CAPZA1: variants seen among roughly 807,000 people sequenced by gnomAD.
CAPZA1 encodes the protein F-actin-capping protein subunit alpha-1.
In CAPZA1, 10 loss-of-function variants were observed where a neutral mutation model predicts 40.8. The observed-to-expected ratio is 0.25, with a 90% confidence interval of 0.15 to 0.42. CAPZA1 has a LOEUF of 0.42. CAPZA1 is among the 10% of genes least tolerant of loss of function. CAPZA1 has a pLI of 1.00. For missense variants in CAPZA1, 277 were observed against 353.8 expected (o/e 0.78, Z 1.74); for synonymous variants, 98 against 115.0 (o/e 0.85, Z 0.95).
At chr1:112,623,559 T>C (rs1209072538) in intron 1 of CAPZA1, among the ~76,000 whole-genome samples, 1 of 151,692 alleles carries the variant, frequency 6.6e-6, no homozygotes, top group African/African-American at 2.4e-5. Context: ...CACATGCCTG[T>C]AATCCCAGCT....
At chr1:112,653,776 T>C (rs977247853) in intron 4 of CAPZA1, 115 bp downstream of exon 4, 2 of 728,830 alleles carry the variant, frequency 2.7e-6, no homozygotes, top group African/African-American at 1.8e-5. Context: ...GTTTTTATAG[T>C]TTTTGTGTGT....
intron 6 of CAPZA1, 148 bp downstream of exon 6, chr1:112,659,249 C>T: frequency 4.8e-6 from 3 of 620,522 alleles, no homozygotes; most frequent in Non-Finnish European, 5.8e-6. Context: ...CCTTACAGTT[C>T]TAAGGTTTTA....
intron 1 of CAPZA1, among the ~76,000 whole-genome samples, chr1:112,636,138 A>T (rs1671012792): frequency 6.6e-6 from 1 of 152,230 alleles, no homozygotes; most frequent in Admixed American, 6.5e-5. Flanking sequence ...TAAATTCCTT[A>T]GGACATTTTC....
At chr1:112,660,838 CTTTTTTTTT>C (rs67876993) in intron 7 of CAPZA1, among the ~76,000 whole-genome samples, 2 of 66,012 alleles carry the variant, frequency 3.0e-5, no homozygotes, top group Non-Finnish European at 5.5e-5. Flanking sequence ...CAAGAGTTGT[CTTTTTTTTT>C]TTTTTTTTTT....
intron 1 of CAPZA1, among the ~76,000 whole-genome samples, chr1:112,642,872 A>G (rs1216512368): frequency 6.6e-6 from 1 of 152,192 alleles, no homozygotes; most frequent in African/African-American, 2.4e-5. Flanking sequence ...ACATTCAAAT[A>G]TTATGTTATA....
chr1:112,654,683 G>GA lies in CAPZA1; in HGVS notation c.426+13dup, dbSNP rs758318726. 14 of 1,552,658 alleles carry GA rather than the reference G, an allele frequency of 9.0e-6. No homozygotes were observed. Among genetic ancestry groups the GA allele is most frequent in the Non-Finnish European group, 1.2e-5 (14 of 1,140,306 alleles). ...ACGGCTTCTGTACTGTTAAGTATCT[G>GA]ACTGCTTCGTTATCAGAGAGTGTTT... On this transcript the variant is annotated intron_variant, in intron 5 of 9. Transcript: ENST00000263168.
intron 3 of CAPZA1, chr1:112,649,706 T>G (rs1462467412): frequency 1.9e-6 from 1 of 526,812 alleles, no homozygotes; most frequent in Non-Finnish European, 3.3e-6. Flanking sequence ...ATTTGCCCGA[T>G]TAAAGCAGAG....
chr1:112,663,710 G>T (rs1448223781), intron 7 of CAPZA1, among the ~76,000 whole-genome samples: 1 of 151,536 alleles, frequency 6.6e-6, no homozygotes, highest in African/African-American at 2.4e-5. Flanking sequence ...TCACCATGTT[G>T]GTCAGGCTGG....
intron 1 of CAPZA1, among the ~76,000 whole-genome samples, chr1:112,630,947 A>G (rs1342799145): frequency 6.6e-6 from 1 of 152,180 alleles, no homozygotes; most frequent in Non-Finnish European, 1.5e-5. Flanking sequence ...ACTTTATATT[A>G]GCTTAAGGTA....
intron 1 of CAPZA1, among the ~76,000 whole-genome samples, chr1:112,625,352 C>T (rs1670785321): frequency 1.3e-5 from 2 of 152,132 alleles, no homozygotes; most frequent in South Asian, 4.1e-4. Context: ...ATTTCCTTCA[C>T]CAGCTAGAAG....
intron 3 of CAPZA1, 49 bp downstream of exon 3, chr1:112,649,518 A>T: frequency 7.1e-7 from 1 of 1,406,454 alleles, no homozygotes; most frequent in Non-Finnish European, 1.0e-6. Flanking sequence ...ACATTGGATA[A>T]ACTATGTTGA....
intron 4 of CAPZA1, 67 bp from the exon 5 acceptor site, chr1:112,654,398 G>A (rs1051806751): frequency 7.9e-6 from 8 of 1,012,710 alleles, no homozygotes; most frequent in African/African-American, 4.8e-5. Flanking sequence ...TTATTGATGT[G>A]TTTCATAAAA....
At chr1:112,629,146 C>T (rs890461004) in intron 1 of CAPZA1, among the ~76,000 whole-genome samples, 9 of 152,180 alleles carry the variant, frequency 5.9e-5, no homozygotes, top group African/African-American at 2.2e-4. Context: ...TACCTCTTTG[C>T]CATTTATCTC....
At chr1:112,625,597 G>A (rs749012890) in intron 1 of CAPZA1, among the ~76,000 whole-genome samples, 2 of 152,214 alleles carry the variant, frequency 1.3e-5, no homozygotes, top group Non-Finnish European at 2.9e-5. Context: ...AAGTCATACT[G>A]GAAGGGATAA....
In CAPZA1 at chr1:112,670,213, C is replaced by T; in HGVS notation, c.*81C>T. The T allele has an allele frequency of 6.6e-7, 1 of 1,521,580 alleles. No homozygotes were observed. Among genetic ancestry groups the T allele is most frequent in the Non-Finnish European group, 9.0e-7 (1 of 1,106,804 alleles). 94.3% of individuals were successfully genotyped at this position (1,521,580 alleles called of 1,614,324 possible). The stretch of plus-strand genomic sequence containing the variant: ...ATATGATAAATAAGTGATTTATAAA[C>T]AAGAGTGATATTTTGCTAGGGCTTT... On this transcript the variant is annotated 3_prime_UTR_variant, in exon 10 of 10. Coordinates refer to ENST00000263168, the MANE Select transcript of CAPZA1 (RefSeq NM_006135.3).
At chr1:112,648,352 T>TC (rs1671321157) in intron 2 of CAPZA1, among the ~76,000 whole-genome samples, 2 of 136,438 alleles carry the variant, frequency 1.5e-5, no homozygotes, top group African/African-American at 6.6e-5. Context: ...TTTTTCTTTT[T>TC]TTTTTTTTTT....
chr1:112,629,130 G>C (rs1255563916), intron 1 of CAPZA1, among the ~76,000 whole-genome samples: 2 of 152,062 alleles, frequency 1.3e-5, no homozygotes, highest in African/African-American at 4.8e-5. Context: ...CTATGTTCTG[G>C]GATGTTACCT....
At chr1:112,624,539 C>T (rs561905250) in intron 1 of CAPZA1, among the ~76,000 whole-genome samples, 37 of 125,530 alleles carry the variant, frequency 2.9e-4, no homozygotes, top group Middle Eastern at 6.3e-3. Context: ...ACCCAGGAGG[C>T]GGAGGTTGCA....
chr1:112,665,631 G>T (rs1043588065), intron 7 of CAPZA1, among the ~76,000 whole-genome samples: 2 of 152,082 alleles, frequency 1.3e-5, no homozygotes, highest in Non-Finnish European at 2.9e-5. Flanking sequence ...TTTCTCATAG[G>T]TGACACCTTC....
Sources: allele counts gnomAD v4.1 joint callset (sites outside exome capture counted in the v4.1 genomes callset), GRCh38; gene constraint gnomAD v4.1.1; transcripts MANE v1.5; gene names NCBI Gene and HGNC (gene_info 2026-07-23, HGNC 2026-07-21).